Variants in CNTNAP2 observed in about 807,000 individuals in gnomAD.
CNTNAP2 encodes the protein contactin-associated protein-like 2.
CNTNAP2 carries 98 observed loss-of-function variants against 155.2 expected under a neutral mutation model. The observed-to-expected ratio is 0.63, with a 90% CI of 0.54 to 0.75. The LOEUF is 0.75. Ranked by LOEUF, CNTNAP2 falls within the 30% of genes least tolerant of loss-of-function variation. The probability of loss-of-function intolerance (pLI) is 0.00; values close to 1 mark genes in which losing one functional copy is unlikely to be tolerated. For synonymous variants in CNTNAP2, 651 were observed against 631.2 expected (o/e 1.03, Z -0.47); for missense variants, 1,727 against 1,688.1 (o/e 1.02, Z -0.40).
At chr7:147,826,641 A>G (rs981365955) in intron 13 of CNTNAP2, among the ~76,000 whole-genome samples, 2 of 152,202 alleles carry the variant, frequency 1.3e-5, no homozygotes, top group Non-Finnish European at 2.9e-5. Context: ...TTTATCAGAG[A>G]TATCAAAGAG....
chr7:148,101,799 T>A (rs1480709814), intron 15 of CNTNAP2, among the ~76,000 whole-genome samples: 6 of 152,176 alleles, frequency 3.9e-5, no homozygotes, highest in Non-Finnish European at 7.3e-5. Context: ...AGTTTCAGAT[T>A]AGCGTAACCC....
chr7:147,251,275 A>T (rs1804191415), intron 8 of CNTNAP2, among the ~76,000 whole-genome samples: 1 of 152,034 alleles, frequency 6.6e-6, no homozygotes, highest in East Asian at 1.9e-4. Context: ...CCCACATTAA[A>T]ATCTCTTCCT....
intron 1 of CNTNAP2, among the ~76,000 whole-genome samples, chr7:146,641,178 T>G (rs569576643): frequency 3.9e-5 from 6 of 152,074 alleles, no homozygotes; most frequent in Non-Finnish European, 7.4e-5. Flanking sequence ...TACAAAAAAA[T>G]TAGCCAGGCA....
intron 11 of CNTNAP2, among the ~76,000 whole-genome samples, chr7:147,527,969 G>C (rs1799356497): frequency 6.6e-6 from 1 of 152,188 alleles, no homozygotes; most frequent in Admixed American, 6.5e-5. Flanking sequence ...TATTAATTGA[G>C]CTCAATCCCA....
chr7:146,630,416 C>G (rs757702335), intron 1 of CNTNAP2, among the ~76,000 whole-genome samples: 1 of 148,168 alleles, frequency 6.7e-6, no homozygotes, highest in South Asian at 2.2e-4. Flanking sequence ...CAAGTCTTTG[C>G]TATTGCAAAT....
intron 8 of CNTNAP2, among the ~76,000 whole-genome samples, chr7:147,264,633 C>T (rs1178881165): frequency 6.7e-6 from 1 of 150,252 alleles, no homozygotes; most frequent in Non-Finnish European, 1.5e-5. Context: ...GAGGAGATGC[C>T]TGACGGGGCC....
intron 1 of CNTNAP2, among the ~76,000 whole-genome samples, chr7:146,280,773 A>G (rs943208878): frequency 6.6e-6 from 1 of 152,166 alleles, no homozygotes; most frequent in Non-Finnish European, 1.5e-5. Flanking sequence ...AGCCAGCTTT[A>G]CTAACTCCTG....
chr7:147,189,748 T>TTGTTGTTG, intron 8 of CNTNAP2, among the ~76,000 whole-genome samples: 1 of 151,526 alleles, frequency 6.6e-6, no homozygotes, highest in Admixed American at 6.6e-5. Context: ...ACCACTTTTT[T>TTGTTGTTG]TTGTTGTTGT....
intron 21 of CNTNAP2, among the ~76,000 whole-genome samples, chr7:148,304,959 T>C (rs1052607812): frequency 6.7e-6 from 1 of 150,280 alleles, no homozygotes; most frequent in African/African-American, 2.4e-5. Flanking sequence ...TTCATTCCTA[T>C]AATCCCAGTG....
At chr7:148,110,565 A>G (rs542871223) in intron 15 of CNTNAP2, among the ~76,000 whole-genome samples, 3 of 152,306 alleles carry the variant, frequency 2.0e-5, no homozygotes, top group Admixed American at 1.3e-4. Context: ...ACTTCAGCAC[A>G]TCACAAGTTC....
At chr7:147,412,638 T>C (rs1429101777) in intron 10 of CNTNAP2, among the ~76,000 whole-genome samples, 1 of 152,000 alleles carries the variant, frequency 6.6e-6, no homozygotes, top group East Asian at 1.9e-4. Flanking sequence ...TTTTATAGAA[T>C]GAATGGAAAA....
At chr7:146,316,615 G>A (rs1800910209) in intron 1 of CNTNAP2, among the ~76,000 whole-genome samples, 1 of 152,126 alleles carries the variant, frequency 6.6e-6, no homozygotes, top group Non-Finnish European at 1.5e-5. Context: ...GCTGTGTTTG[G>A]TCATGAGAAG....
At chr7:146,879,908 C>G (rs1221070136) in intron 3 of CNTNAP2, among the ~76,000 whole-genome samples, 1 of 152,052 alleles carries the variant, frequency 6.6e-6, no homozygotes, top group East Asian at 1.9e-4. Flanking sequence ...ACTATCATGG[C>G]TGAAGGCAAA....
chr7:147,208,015 T>A lies in CNTNAP2; in HGVS notation c.1348+75506T>A, dbSNP rs1018805831. 2.0e-5 allele frequency among the ~76,000 whole-genome samples: 3 copies of A among 152,136 alleles called. No homozygotes were observed. In the East Asian group the frequency reaches 5.8e-4, roughly 29 times the overall value. Reference sequence around the variant, plus strand: ...AATTATCAAGATGGACACTATGGGCTATTGTTGGATGAACACGCCTTGACA... The same window carrying A: ...AATTATCAAGATGGACACTATGGGCAATTGTTGGATGAACACGCCTTGACA... On this transcript the variant is annotated intron_variant, in intron 8 of 23. Coordinates refer to ENST00000361727, the MANE Select transcript of CNTNAP2 (RefSeq NM_014141.6).
intron 21 of CNTNAP2, among the ~76,000 whole-genome samples, chr7:148,331,763 T>TGGACGGATGGAGTGGATGGATGGAG (rs1563046107): frequency 6.6e-5 from 1 of 15,164 alleles, no homozygotes; most frequent in Non-Finnish European, 1.8e-4. Flanking sequence ...GACGGATGGA[T>TGGACGGATGGAGTGGATGGATGGAG]TGGATGGATG....
intron 1 of CNTNAP2, among the ~76,000 whole-genome samples, chr7:146,380,961 G>T (rs1795377472): frequency 6.6e-6 from 1 of 150,728 alleles, no homozygotes; most frequent in Non-Finnish European, 1.5e-5. Context: ...ACCTCGCCCG[G>T]CTAATTTTTT....
intron 15 of CNTNAP2, among the ~76,000 whole-genome samples, chr7:148,047,962 C>T (rs779736406): frequency 6.6e-6 from 1 of 151,932 alleles, no homozygotes; most frequent in Non-Finnish European, 1.5e-5. Context: ...CTCGCTTTGT[C>T]GCCCAGTCTG....
chr7:147,126,869 C>G (rs1249843549), intron 6 of CNTNAP2, among the ~76,000 whole-genome samples: 1 of 152,150 alleles, frequency 6.6e-6, no homozygotes, highest in Admixed American at 6.5e-5. Flanking sequence ...CTAAATTGTT[C>G]GGATCTGTTA....
intron 18 of CNTNAP2, among the ~76,000 whole-genome samples, chr7:148,209,412 T>C (rs1795506516): frequency 6.6e-6 from 1 of 151,684 alleles, no homozygotes; most frequent in Non-Finnish European, 1.5e-5. Context: ...GGGATTACCG[T>C]GTGAGCCACA....
Sources: gnomAD v4.1 joint callset for allele counts (sites outside exome capture counted in the v4.1 genomes callset) on GRCh38, gnomAD v4.1.1 for gene constraint, MANE v1.5 for transcripts, NCBI Gene and HGNC (gene_info 2026-07-23, HGNC 2026-07-21) for gene names.